Variants in DISC1 observed in about 807,000 individuals in gnomAD.
The protein encoded by DISC1 is DISC1 scaffold protein.
Under a neutral mutation model 84.5 loss-of-function variants are expected in DISC1, and 57 were observed. The observed-to-expected ratio is 0.67, with a 90% CI of 0.55 to 0.84. The LOEUF (loss-of-function observed/expected upper bound fraction) is 0.84, where lower values mean the gene tolerates loss of function less well. Ranked by LOEUF, DISC1 falls within the 40% of genes least tolerant of loss-of-function variation. The pLI, the probability that DISC1 is intolerant of heterozygous loss-of-function variation, is 0.00. For synonymous variants in DISC1, 411 were observed against 415.2 expected (o/e 0.99, Z 0.12); for missense variants, 1,000 against 1,057.8 (o/e 0.95, Z 0.76).
chr1:231,662,057 C>T (rs968833508), intron 1 of DISC1, among the ~76,000 whole-genome samples: 4 of 152,142 alleles, frequency 2.6e-5, no homozygotes, highest in Non-Finnish European at 4.4e-5. Context: ...TTGGTTTTTC[C>T]TGTACCTGGA....
chr1:231,876,220 C>T (rs962025112), intron 9 of DISC1, among the ~76,000 whole-genome samples: 2 of 152,126 alleles, frequency 1.3e-5, no homozygotes, highest in African/African-American at 4.8e-5. Flanking sequence ...ACTGTCCTCA[C>T]GATAGTGAGT....
chr1:231,722,725 C>T lies in DISC1; in HGVS notation c.1117+20701C>T, dbSNP rs1169283961. 36 of 1,551,626 alleles carry T rather than the reference C, an allele frequency of 2.3e-5. No individual in the cohort carries two copies. In the Admixed American group the frequency reaches 2.7e-4, roughly 12 times the overall value. On this transcript the variant is annotated intron_variant, in intron 3 of 12. Transcript: ENST00000439617. ...GTGGAAGAATACGCTCATTTATGAT[C>T]AGGGTAGCATCATATTCCTCTCCCT...
intron 6 of DISC1, among the ~76,000 whole-genome samples, chr1:231,794,896 C>G (rs2078638607): frequency 6.6e-6 from 1 of 152,152 alleles, no homozygotes; most frequent in African/African-American, 2.4e-5. Flanking sequence ...AGACACTACT[C>G]AGTGTAGACC....
chr1:231,886,046 G>C (rs991133631), intron 9 of DISC1, among the ~76,000 whole-genome samples: 1 of 152,206 alleles, frequency 6.6e-6, no homozygotes. Context: ...AAGGCAGAGA[G>C]GGCAAGAGAA....
intron 6 of DISC1, chr1:231,771,373 G>A (rs1184676305): frequency 5.1e-6 from 5 of 985,222 alleles, no homozygotes; most frequent in Middle Eastern, 5.2e-4. Flanking sequence ...GAGAACTGTT[G>A]GAATTCAATT....
chr1:231,813,697 C>T (rs2080574636), intron 8 of DISC1, among the ~76,000 whole-genome samples: 1 of 152,172 alleles, frequency 6.6e-6, no homozygotes, highest in Admixed American at 6.5e-5. Flanking sequence ...TTTGAAGCAA[C>T]TTCCTTGTGA....
chr1:231,800,004 C>A, intron 7 of DISC1, 104 bp from the exon 8 acceptor site: 1 of 735,700 alleles, frequency 1.4e-6, no homozygotes, highest in Non-Finnish European at 2.3e-6. Context: ...TTCATCACCC[C>A]TTTTAATTAC....
intron 1 of DISC1, among the ~76,000 whole-genome samples, chr1:231,674,204 G>A (rs899776095): frequency 7.2e-5 from 11 of 152,208 alleles, no homozygotes; most frequent in African/African-American, 2.6e-4. Flanking sequence ...TTTATGATGC[G>A]TAAATGGACA....
chr1:231,873,697 G>A (rs72632842), intron 9 of DISC1, among the ~76,000 whole-genome samples: 58,500 of 151,998 alleles, frequency 0.38, 11,480 homozygotes, highest in East Asian at 0.51. Context: ...GATCATTCCC[G>A]CAGAGCCAAG....
intron 10 of DISC1, among the ~76,000 whole-genome samples, chr1:231,991,266 G>A (rs1032799656): frequency 3.9e-5 from 6 of 152,334 alleles, no homozygotes; most frequent in South Asian, 2.1e-4. Flanking sequence ...TCGGGAAGCC[G>A]TATGTTCTGA....
intron 12 of DISC1, among the ~76,000 whole-genome samples, chr1:232,032,418 C>T (rs889454566): frequency 6.6e-6 from 1 of 152,168 alleles, no homozygotes; most frequent in African/African-American, 2.4e-5. Context: ...CTGAATGCAC[C>T]TGTCCTGCTG....
intron 8 of DISC1, 28 bp from the exon 9 acceptor site, chr1:231,818,301 C>T (rs372235679): frequency 3.1e-6 from 5 of 1,611,360 alleles, no homozygotes; most frequent in Middle Eastern, 1.8e-4. Context: ...GCTTGTTTTC[C>T]CTTCTTCTCT....
rs140326227 is a variant in DISC1 at position 231,933,951 on chromosome 1, C to G, written c.1982-24877C>G. On this transcript the variant is annotated intron_variant, in intron 9 of 12. Transcript: ENST00000439617. ...GACTGGCTATTTCTGCTGCAGGATT[C>G]CTGGTCCGGGCTCCAGCAAAATTAT... Among the ~76,000 whole-genome samples the G allele has an allele frequency of 1.9e-3, 286 of 152,266 alleles. 2 individuals carry two copies. The highest frequency in any genetic ancestry group is 6.7e-3 in the African/African-American group (280 of 41,558).
chr1:231,685,591 T>A (rs1013193580), intron 1 of DISC1, among the ~76,000 whole-genome samples: 4 of 152,186 alleles, frequency 2.6e-5, no homozygotes, highest in African/African-American at 9.6e-5. Context: ...TAGCTGGGAC[T>A]GTAGGCGCCT....
chr1:231,999,247 G>A (rs187272020), intron 10 of DISC1, among the ~76,000 whole-genome samples: 50 of 152,258 alleles, frequency 3.3e-4, no homozygotes, highest in Admixed American at 2.2e-3. Flanking sequence ...TAATGCAAGA[G>A]CTAATCAAAT....
intron 8 of DISC1, among the ~76,000 whole-genome samples, chr1:231,811,132 G>A (rs2080252425): frequency 6.6e-6 from 1 of 152,218 alleles, no homozygotes; most frequent in Admixed American, 6.5e-5. Context: ...TGTCTGAAAT[G>A]TTTGATGTGC....
At chr1:231,934,321 T>A (rs2090852641) in intron 9 of DISC1, among the ~76,000 whole-genome samples, 1 of 152,188 alleles carries the variant, frequency 6.6e-6, no homozygotes, top group Admixed American at 6.5e-5. Flanking sequence ...TGTGTGGAAG[T>A]CTCAGCTCCT....
intron 9 of DISC1, among the ~76,000 whole-genome samples, chr1:231,847,366 G>C (rs1291534220): frequency 6.6e-6 from 1 of 152,124 alleles, no homozygotes; most frequent in East Asian, 1.9e-4. Flanking sequence ...TGAAGTACCA[G>C]GGATTAGGGA....
intron 4 of DISC1, 86 bp downstream of exon 4, chr1:231,750,162 A>G (rs1161804602): frequency 9.2e-6 from 14 of 1,529,522 alleles, no homozygotes; most frequent in Non-Finnish European, 1.2e-5. Flanking sequence ...GGAGGAGCTT[A>G]GCTGTAGAGA....
Sources: gnomAD v4.1 joint callset for allele counts (sites outside exome capture counted in the v4.1 genomes callset) on GRCh38, gnomAD v4.1.1 for gene constraint, MANE v1.5 for transcripts, NCBI Gene and HGNC (gene_info 2026-07-23, HGNC 2026-07-21) for gene names.